TASOR: variants seen among roughly 807,000 people sequenced by gnomAD.
TASOR encodes protein TASOR.
In TASOR, 53 loss-of-function variants were observed where a neutral mutation model predicts 178.6. The observed-to-expected ratio is 0.30, with a 90% CI of 0.24 to 0.37. The LOEUF is 0.37. Ranked by LOEUF, TASOR falls within the 10% of genes least tolerant of loss-of-function variation. TASOR has a pLI of 1.00. For missense variants in TASOR, 1,815 were observed against 1,971.4 expected, an observed-to-expected ratio of 0.92 and a Z score of 1.50; for synonymous variants, 713 against 696.2, an observed-to-expected ratio of 1.02 and a Z score of -0.38.
At position 56,661,006 on chromosome 3, in the gene TASOR, A is replaced by G; in HGVS notation, c.1172T>C (p.Leu391Ser). ...AATACTCATAACTGTTTCAACATCT[A>G]ATTTCTCAGGTCTGAAAGAAAATTT... is the stretch of plus-strand genomic sequence containing the variant. ...AFLPIKLPEK[L>S]DVETVMSIDH... The change falls in exon 10 of 24, where the codon TTA (leucine) becomes TCA (serine). Residue 391 changes from leucine (L) to serine (S), a missense_variant. By Grantham distance (145) the Leu-to-Ser change is moderately radical. This residue lies in a region of TASOR where 504 missense variants were observed against 645.3 expected (regional missense o/e 0.78). Coordinates refer to ENST00000683822, the MANE Select transcript of TASOR (RefSeq NM_001365635.2). The G allele has an allele frequency of 6.3e-7, 1 of 1,599,630 alleles. No individual in the cohort carries two copies. The highest frequency in any genetic ancestry group is 8.5e-7 in the Non-Finnish European group (1 of 1,169,682).
At chr3:56,669,646 A>G (rs141594530) in intron 5 of TASOR, 54 bp downstream of exon 5, 5 of 1,144,778 alleles carry the variant, frequency 4.4e-6, no homozygotes, top group Non-Finnish European at 6.3e-6. Flanking sequence ...TCTAAAAATT[A>G]AAATCCAAAT....
At chr3:56,657,951 A>C (rs1324427408) in intron 11 of TASOR, among the ~76,000 whole-genome samples, 1 of 152,336 alleles carries the variant, frequency 6.6e-6, no homozygotes, top group East Asian at 1.9e-4. Flanking sequence ...TTAGGCCTGC[A>C]TGCCCTAGGG....
intron 21 of TASOR, 57 bp downstream of exon 21, chr3:56,626,980 A>AT: frequency 2.8e-6 from 3 of 1,057,000 alleles, no homozygotes; most frequent in Non-Finnish European, 4.3e-6. Context: ...AGAGAGAAAT[A>AT]TTATGAGTAC....
intron 1 of TASOR, among the ~76,000 whole-genome samples, chr3:56,682,424 G>A (rs2031877267): frequency 6.6e-6 from 1 of 152,112 alleles, no homozygotes; most frequent in South Asian, 2.1e-4. Flanking sequence ...GGGAGCTGCA[G>A]CCTTACGGAC....
intron 21 of TASOR, among the ~76,000 whole-genome samples, chr3:56,626,508 C>T (rs969837673): frequency 1.3e-5 from 2 of 152,006 alleles, no homozygotes; most frequent in African/African-American, 2.4e-5. Flanking sequence ...TTTGGGAGGC[C>T]GAGGCAGGTG....
intron 14 of TASOR, among the ~76,000 whole-genome samples, chr3:56,642,332 T>C (rs1373079370): frequency 6.6e-6 from 1 of 152,216 alleles, no homozygotes; most frequent in Non-Finnish European, 1.5e-5. Flanking sequence ...GAACAAAAAG[T>C]ATTATAAGAG....
intron 11 of TASOR, among the ~76,000 whole-genome samples, chr3:56,658,907 CA>C (rs990265576): frequency 3.8e-5 from 5 of 131,046 alleles, no homozygotes; most frequent in Non-Finnish European, 4.7e-5. Flanking sequence ...GAGTCTGTCT[CA>C]AAAAAAAAAG....
At position 56,670,054 on chromosome 3, in the gene TASOR, T is replaced by C. The variant is rs2030512644; in HGVS notation, c.643+19A>G. 3 of 1,476,656 alleles carry C rather than the reference T, an allele frequency of 2.0e-6. No homozygotes were observed. The South Asian group carries it at 4.0e-5, about 19-fold the overall frequency. The allele number at this position is 1,476,656 out of a possible 1,614,324, so 91.5% of individuals were successfully genotyped here. A position where few individuals can be genotyped will look rare whatever the true frequency, so the allele number is the denominator to read the frequency against. On this transcript the variant is annotated intron_variant, in intron 4 of 23. Coordinates refer to ENST00000683822, the MANE Select transcript of TASOR (RefSeq NM_001365635.2). ...CAACTTAGTAGTAGATATTTATATT[T>C]AAAAAGAAAAAAGATTACCCATGGA...
At chr3:56,661,308 G>C (rs1559844229) in intron 9 of TASOR, among the ~76,000 whole-genome samples, 2 of 152,090 alleles carry the variant, frequency 1.3e-5, no homozygotes, top group East Asian at 3.9e-4. Context: ...CACCACGCTA[G>C]GGTAATTTTG....
intron 8 of TASOR, among the ~76,000 whole-genome samples, chr3:56,662,807 A>G (rs932656036): frequency 5.9e-5 from 9 of 152,344 alleles, no homozygotes; most frequent in South Asian, 4.1e-4. Context: ...CCAAAGGGAC[A>G]CTGTATGAAA....
At position 56,621,742 on chromosome 3, in the gene TASOR, C is replaced by CTT. The variant is rs2076663207; in HGVS notation, c.*1293_*1294dup. On this transcript the variant is annotated 3_prime_UTR_variant, in exon 24 of 24. Transcript: ENST00000683822. ...TATTTTTTTAAATGCTCATTAAAAA[C>CTT]TTGTATACTATGTAGTAAAATGCTG... 4.5e-6 allele frequency: 2 copies of CTT among 442,710 alleles called. No homozygotes were observed. Among genetic ancestry groups the CTT allele is most frequent in the Non-Finnish European group, 4.0e-6 (1 of 250,226 alleles). The allele number at this position is 442,710 out of a possible 1,614,324, so 27.4% of individuals were successfully genotyped here.
At chr3:56,637,990 A>G (rs2077050626) in intron 17 of TASOR, among the ~76,000 whole-genome samples, 1 of 152,192 alleles carries the variant, frequency 6.6e-6, no homozygotes, top group Non-Finnish European at 1.5e-5. Context: ...TTTTACAATC[A>G]GAAGAACTAG....
intron 1 of TASOR, among the ~76,000 whole-genome samples, chr3:56,677,522 G>A (rs1302333156): frequency 6.6e-6 from 1 of 152,128 alleles, no homozygotes; most frequent in African/African-American, 2.4e-5. Context: ...AAGGTTACAG[G>A]GTTAATGAAT....
Position 56,628,064 on chromosome 3 carries a change from G to T in TASOR, c.3871-323C>A, listed in dbSNP as rs76314445. ...GACGAAGGCAAAAGCCTATGTGCTC[G>T]AACAGTCAATCAGGAAAGACGTCCA... On this transcript the variant is annotated intron_variant, in intron 19 of 23. Coordinates refer to ENST00000683822, the MANE Select transcript of TASOR (RefSeq NM_001365635.2). 5.0e-4 allele frequency among the ~76,000 whole-genome samples: 76 copies of T among 152,246 alleles called. No individual in the cohort carries two copies. The East Asian group carries it at 0.014, about 28-fold the overall frequency.
intron 3 of TASOR, among the ~76,000 whole-genome samples, chr3:56,670,466 A>C (rs2107628741): frequency 6.6e-6 from 1 of 152,206 alleles, no homozygotes; most frequent in Admixed American, 6.5e-5. Flanking sequence ...TCAGCCTCCC[A>C]AGTAACTAGA....
chr3:56,651,547 A>C (rs77663619), intron 11 of TASOR, among the ~76,000 whole-genome samples: 1 of 152,136 alleles, frequency 6.6e-6, no homozygotes, highest in Non-Finnish European at 1.5e-5. Context: ...AAAAAATTTT[A>C]AAAGTTGTCA....
rs752144716 is a variant in TASOR, at chr3:56,633,674, C to G, written c.3117G>C (p.Lys1039Asn). The change falls in exon 18 of 24, where the codon AAG (lysine) becomes AAC (asparagine). Residue 1039 changes from lysine (K) to asparagine (N), a missense_variant. Lys to Asn is a moderately conservative substitution (Grantham distance 94). This residue lies in a region of TASOR where 655 missense variants were observed against 671.1 expected (regional missense o/e 0.98). Transcript: ENST00000683822. The part of the protein sequence containing the change: ...SRKIEEILKQ[K>N]NVSYVSTVST... ...AAACTGTACTGACATATGAAACATT[C>G]TTTTGCTTCAAAATCTCTTCTATCT... is the stretch of plus-strand genomic sequence containing the variant. 6.2e-7 allele frequency: 1 copy of G among 1,614,062 alleles called. No homozygotes were observed. Among genetic ancestry groups the G allele is most frequent in the Non-Finnish European group, 8.5e-7 (1 of 1,180,002 alleles).
chr3:56,680,043 G>C (rs534063758), intron 1 of TASOR, among the ~76,000 whole-genome samples: 74 of 152,240 alleles, frequency 4.9e-4, no homozygotes, highest in African/African-American at 1.6e-3. Context: ...TTTAATGAAG[G>C]GGGGGAACAG....
At chr3:56,647,335 T>C in intron 13 of TASOR, 112 bp from the exon 14 acceptor site, 2 of 821,922 alleles carry the variant, frequency 2.4e-6, no homozygotes, top group South Asian at 2.2e-5. Flanking sequence ...TACATTAATG[T>C]TGAACCAGAC....
Sources: gnomAD v4.1 joint callset for allele counts (sites outside exome capture counted in the v4.1 genomes callset) on GRCh38, gnomAD v4.1.1 for gene constraint, gnomAD v4.1.1 regional missense constraint, MANE v1.5 for transcripts, NCBI Gene and HGNC (gene_info 2026-07-23, HGNC 2026-07-21) for gene names.